GOLGA4: variants seen among roughly 807,000 people sequenced by gnomAD.
GOLGA4 encodes golgin A4.
GOLGA4 carries 169 observed loss-of-function variants against 265.9 expected under a neutral mutation model. That is an observed-to-expected ratio of 0.64 (90% CI 0.56 to 0.72). The LOEUF (loss-of-function observed/expected upper bound fraction) is 0.72. Ranked by LOEUF, GOLGA4 falls within the 30% of genes least tolerant of loss-of-function variation. The pLI, the probability that GOLGA4 is intolerant of heterozygous loss-of-function variation, is 0.00. For synonymous variants in GOLGA4, 923 were observed against 855.8 expected (o/e 1.08, Z -1.37); for missense variants, 2,482 against 2,483.4 (o/e 1.00, Z 0.01).
intron 2 of GOLGA4, among the ~76,000 whole-genome samples, chr3:37,258,541 T>C (rs1450623611): frequency 6.6e-6 from 1 of 152,194 alleles, no homozygotes; most frequent in East Asian, 1.9e-4. Context: ...TTGGCCACGC[T>C]GGCCTGGAAT....
At chr3:37,347,113 T>G in intron 20 of GOLGA4, 80 bp from the exon 21 acceptor site, 1 of 818,842 alleles carries the variant, frequency 1.2e-6, no homozygotes, top group Non-Finnish European at 2.0e-6. Context: ...CATTGGTTGT[T>G]TTTTAAATCT....
intron 21 of GOLGA4, among the ~76,000 whole-genome samples, chr3:37,350,187 G>A (rs1013548209): frequency 2.2e-4 from 34 of 152,274 alleles, no homozygotes; most frequent in Admixed American, 2.1e-3. Context: ...ATGTAGAGTA[G>A]ACAGTCTGAT....
intron 1 of GOLGA4, chr3:37,244,202 C>G (rs73825038): frequency 0.053 from 8,150 of 152,466 alleles, 300 homozygotes; most frequent in African/African-American, 0.11. Flanking sequence ...ACCTGAAAGA[C>G]GTGGCGGCGT....
chr3:37,316,582 A>G (rs1251728970), intron 11 of GOLGA4, among the ~76,000 whole-genome samples: 2 of 152,244 alleles, frequency 1.3e-5, no homozygotes, highest in Non-Finnish European at 2.9e-5. Context: ...TTTAAGTTTT[A>G]AAATAGTCAT....
In GOLGA4 at chr3:37,328,999, G is replaced by A. The variant is rs746262396; in HGVS notation, c.6098G>A (p.Ser2033Asn). Residue 2033 changes from serine (S) to asparagine (N), a missense_variant, in exon 16 of 24, where the codon AGC becomes AAC. Transcript: ENST00000361924. ...AQEVEAELLESHQEETNQLLK... is the reference protein window; with the variant it reads ...AQEVEAELLENHQEETNQLLK... ...GAGGTGGAGGCTGAACTTTTAGAAA[G>A]CCATCAAGAAGAGACAAATCAGTTA... 2.5e-6 allele frequency: 4 copies of A among 1,608,598 alleles called. No homozygotes were observed. The highest frequency in any genetic ancestry group is 4.5e-5 in the East Asian group (2 of 44,658).
chr3:37,358,056 C>G (rs2097095154), intron 22 of GOLGA4, among the ~76,000 whole-genome samples: 1 of 152,098 alleles, frequency 6.6e-6, no homozygotes, highest in Non-Finnish European at 1.5e-5. Flanking sequence ...AAAACCAAAA[C>G]AAACCTAAAA....
At chr3:37,288,577 C>T (rs920104579) in intron 4 of GOLGA4, among the ~76,000 whole-genome samples, 2 of 148,766 alleles carry the variant, frequency 1.3e-5, no homozygotes, top group Admixed American at 6.7e-5. Flanking sequence ...CCTGGGTTCA[C>T]GCCATTCTCC....
At position 37,366,112 on chromosome 3, in the gene GOLGA4, G is replaced by A; in HGVS notation, c.*66G>A. The A allele has an allele frequency of 6.6e-7, 1 of 1,520,572 alleles. No homozygotes were observed. The highest frequency in any genetic ancestry group is 8.8e-7 in the Non-Finnish European group (1 of 1,137,054). The allele number at this position is 1,520,572 out of a possible 1,614,324, so 94.2% of individuals were successfully genotyped here. A position where few individuals can be genotyped will look rare whatever the true frequency, so the allele number is the denominator to read the frequency against. On this transcript the variant is annotated 3_prime_UTR_variant, in exon 24 of 24. Transcript: ENST00000361924. ...TCCGATCTTCATCTTGAAGAAGAGT[G>A]ACATTGGGTGACTGCTGCTTGGAAA...
chr3:37,282,079 G>T lies in GOLGA4; in HGVS notation c.284G>T (p.Arg95Leu), dbSNP rs372845682. The change falls in exon 3 of 24, where the codon CGA becomes CTA. Residue 95 changes from arginine to leucine, a missense_variant. Transcript: ENST00000361924. ...TCTTCTTCTAAAGAGTCTTTGGTAC[G>T]AACATCTTCCAGAGAATCCCTGAAT... is the stretch of plus-strand genomic sequence containing the variant. Reference protein sequence around the residue: ...FRSSSKESLVRTSSRESLNRL... With the variant: ...FRSSSKESLVLTSSRESLNRL... 5.0e-6 allele frequency: 8 copies of T among 1,614,052 alleles called. 1 individual carries two copies. In the South Asian group the frequency reaches 8.8e-5, roughly 18 times the overall value.
At chr3:37,329,142 G>C in intron 16 of GOLGA4, 49 bp downstream of exon 16, 1 of 1,465,596 alleles carries the variant, frequency 6.8e-7, no homozygotes, top group Non-Finnish European at 9.2e-7. Context: ...AGCTGTAATA[G>C]ATTTCATGGT....
intron 18 of GOLGA4, 25 bp from the exon 19 acceptor site, chr3:37,337,641 C>T: frequency 6.5e-7 from 1 of 1,535,262 alleles, no homozygotes; most frequent in South Asian, 1.1e-5. Flanking sequence ...ATGTGCATTT[C>T]AGATCTGACT....
At chr3:37,281,162 T>G (rs1301880046) in intron 2 of GOLGA4, among the ~76,000 whole-genome samples, 12 of 152,214 alleles carry the variant, frequency 7.9e-5, no homozygotes, top group Admixed American at 7.9e-4. Context: ...TTAGGTCATA[T>G]TATTTTTCAT....
intron 23 of GOLGA4, among the ~76,000 whole-genome samples, chr3:37,363,973 G>A (rs983920483): frequency 5.3e-5 from 8 of 152,122 alleles, no homozygotes; most frequent in Non-Finnish European, 8.8e-5. Context: ...AGGAATTTAC[G>A]TATAACAGAA....
In GOLGA4 at chr3:37,324,096, A is replaced by G; in HGVS notation, c.2210A>G (p.Asp737Gly). 3 of 1,614,154 alleles carry G rather than the reference A, an allele frequency of 1.9e-6. No homozygotes were observed. Among genetic ancestry groups the G allele is most frequent in the East Asian group, 2.2e-5 (1 of 44,882 alleles). Reference sequence around the variant, plus strand: ...AAAAATCATCACCAGCAGCAAGTTGACAGTATCATTAAAGAACACGAGGTA... The same window carrying G: ...AAAAATCATCACCAGCAGCAAGTTGGCAGTATCATTAAAGAACACGAGGTA... Reference protein sequence around the residue: ...EQKNHHQQQVDSIIKEHEVSI... With the variant: ...EQKNHHQQQVGSIIKEHEVSI... Residue 737 changes from aspartate (D) to glycine (G), a missense_variant, in exon 14 of 24, where the codon GAC (aspartate) becomes GGC (glycine). This residue lies in a region of GOLGA4 where 1,536 missense variants were observed against 1,483.7 expected (regional missense o/e 1.04). Coordinates refer to ENST00000361924, the MANE Select transcript of GOLGA4 (RefSeq NM_002078.5).
rs73825082 is a variant in GOLGA4, at chr3:37,328,337, C to T, written c.5940-79C>T. 2,921 of 1,377,980 alleles carry T rather than the reference C, an allele frequency of 2.1e-3. 54 individuals carry two copies. In the African/African-American group the frequency reaches 0.037, roughly 18 times the overall value. 85.4% of individuals were successfully genotyped at this position (1,377,980 alleles called of 1,614,324 possible). On this transcript the variant is annotated intron_variant, in intron 14 of 23. Coordinates refer to ENST00000361924, the MANE Select transcript of GOLGA4 (RefSeq NM_002078.5). ...TCATACAATGAACTCATACTGTATG[C>T]ACTGTTTTAAAGACCAGGTAGCTCC...
At chr3:37,338,734 C>T (rs1051837562) in intron 19 of GOLGA4, among the ~76,000 whole-genome samples, 5 of 152,150 alleles carry the variant, frequency 3.3e-5, no homozygotes, top group African/African-American at 1.2e-4. Flanking sequence ...ATTAAGCAGT[C>T]ACTCCCCATT....
rs906663570 is a variant in GOLGA4 at position 37,243,494 on chromosome 3, C to A, written c.-57C>A. On this transcript the variant is annotated 5_prime_UTR_variant, in exon 1 of 24. Coordinates refer to ENST00000361924, the MANE Select transcript of GOLGA4 (RefSeq NM_002078.5). ...GCCGTAGCCGTCGCGGCCGGGACTCCCCGGGCTCTCGCCCTTCAGGTTTCG... is the reference window on the plus strand; with the variant it reads ...GCCGTAGCCGTCGCGGCCGGGACTCACCGGGCTCTCGCCCTTCAGGTTTCG... 1 of 1,519,956 alleles carries A rather than the reference C, an allele frequency of 6.6e-7. No homozygotes were observed. The highest frequency in any genetic ancestry group is 1.4e-5 in the African/African-American group (1 of 73,048). 94.2% of individuals were successfully genotyped at this position (1,519,956 alleles called of 1,614,324 possible).
At chr3:37,291,868 T>C (rs965408996) in intron 5 of GOLGA4, among the ~76,000 whole-genome samples, 1 of 152,148 alleles carries the variant, frequency 6.6e-6, no homozygotes, top group African/African-American at 2.4e-5. Context: ...GAGTCACAGA[T>C]TGATGAATTT....
At chr3:37,263,075 C>T (rs1578397936) in intron 2 of GOLGA4, among the ~76,000 whole-genome samples, 1 of 152,152 alleles carries the variant, frequency 6.6e-6, no homozygotes, top group East Asian at 1.9e-4. Context: ...TAAATGAGTG[C>T]CCTATAGAGT....
Sources: allele counts gnomAD v4.1 joint callset (sites outside exome capture counted in the v4.1 genomes callset), GRCh38; gene constraint gnomAD v4.1.1; regional missense constraint gnomAD v4.1.1; transcripts MANE v1.5; gene names NCBI Gene and HGNC (gene_info 2026-07-23, HGNC 2026-07-21).